The following CCDC191 variants were observed in gnomAD, a reference collection of about 807,000 sequenced individuals.
CCDC191 encodes coiled-coil domain containing 191.
In CCDC191, 99 loss-of-function variants were observed where a neutral mutation model predicts 114.0. That is an observed-to-expected ratio of 0.87 (90% CI 0.74 to 1.03). The LOEUF (loss-of-function observed/expected upper bound fraction) is 1.03. Among genes scored for constraint, CCDC191 ranks in the 50% least tolerant of loss-of-function variants. The pLI, the probability that CCDC191 is intolerant of heterozygous loss-of-function variation, is 0.00. For missense variants in CCDC191, 973 were observed against 1,087.0 expected, an observed-to-expected ratio of 0.90 and a Z score of 1.47; for synonymous variants, 351 against 376.0, an observed-to-expected ratio of 0.93 and a Z score of 0.77.
intron 15 of CCDC191, 190 bp downstream of exon 15, chr3:113,978,668 G>C: frequency 1.5e-6 from 1 of 658,544 alleles, no homozygotes; most frequent in Non-Finnish European, 2.5e-6. Flanking sequence ...ACAAACACAG[G>C]CTTAGGATTT....
chr3:114,018,919 A>G, intron 7 of CCDC191, 51 bp from the exon 8 acceptor site: 1 of 1,508,970 alleles, frequency 6.6e-7, no homozygotes, highest in Non-Finnish European at 9.1e-7. Context: ...TAGTGTTTCT[A>G]ATATCTAACA....
intron 13 of CCDC191, among the ~76,000 whole-genome samples, chr3:113,982,638 TA>T (rs76993362): frequency 0.04 from 5,860 of 147,214 alleles, 142 homozygotes; most frequent in Middle Eastern, 0.11. Context: ...ACAGCTATGT[TA>T]AAAAAAAAAG....
intron 7 of CCDC191, among the ~76,000 whole-genome samples, chr3:114,025,420 C>T (rs1212699362): frequency 6.6e-6 from 1 of 152,102 alleles, no homozygotes; most frequent in Non-Finnish European, 1.5e-5. Flanking sequence ...TCACAGATAC[C>T]GCATATTGTA....
In CCDC191 at chr3:114,056,453, G is replaced by A. The variant is rs1176641773; in HGVS notation, c.14C>T (p.Pro5Leu). The change falls in exon 1 of 17, where the codon CCT becomes CTT. Residue 5 changes from proline to leucine, a missense_variant. Pro to Leu is a moderately conservative substitution (Grantham distance 98). Transcript: ENST00000295878. MLLA[P>L]QGRSFSKKRM... ...TTTCTTTGAGAAGGACCTTCCCTGA[G>A]GCGCCAGGAGCATTTTCCAAGTTCG... is the stretch of plus-strand genomic sequence containing the variant. 2.5e-6 allele frequency: 4 copies of A among 1,614,136 alleles called. No homozygotes were observed. The highest frequency in any genetic ancestry group is 2.5e-6 in the Non-Finnish European group (3 of 1,180,034).
At chr3:114,039,613 C>T (rs1344646850) in intron 4 of CCDC191, 1 of 151,938 alleles carries the variant, frequency 6.6e-6, no homozygotes, top group Non-Finnish European at 1.5e-5. Flanking sequence ...TGTTATTGCC[C>T]CTGAAGACCT....
At chr3:113,982,967 G>A (rs1211611506) in intron 13 of CCDC191, among the ~76,000 whole-genome samples, 1 of 151,988 alleles carries the variant, frequency 6.6e-6, no homozygotes, top group Non-Finnish European at 1.5e-5. Context: ...CTGATCTCAG[G>A]AGATCCGCAT....
chr3:114,004,711 C>G lies in CCDC191; in HGVS notation c.1904G>C (p.Ser635Thr), dbSNP rs2075918221. 2 of 1,612,254 alleles carry G rather than the reference C, an allele frequency of 1.2e-6. No homozygotes were observed. The highest frequency in any genetic ancestry group is 1.3e-5 in the African/African-American group (1 of 74,702). Reference protein sequence around the residue: ...PVASPGTEGRSDSRNSLSGLR... With the variant: ...PVASPGTEGRTDSRNSLSGLR... The stretch of plus-strand genomic sequence containing the variant: ...TCCAGAAAGAGAATTTCGGGAGTCA[C>G]TTCTGCCTTCAGTCCCAGGGGAAGC... The change falls in exon 11 of 17, where the codon AGT becomes ACT. Residue 635 changes from serine to threonine, a missense_variant. Transcript: ENST00000295878.
rs563503788 is a variant in CCDC191 at position 114,018,767 on chromosome 3, C to A, written c.1074G>T (p.Lys358Asn). Residue 358 changes from lysine to asparagine, a missense_variant, in exon 8 of 17, where the codon AAG becomes AAT. Coordinates refer to ENST00000295878, the MANE Select transcript of CCDC191 (RefSeq NM_020817.2). Reference sequence around the variant, plus strand: ...TGTAGTCTCTCCAGGCCCGCAGGACCTTCAGCTGAATCTTCCAGTCAGACA... The same window carrying A: ...TGTAGTCTCTCCAGGCCCGCAGGACATTCAGCTGAATCTTCCAGTCAGACA... ...GTLSDWKIQLKVLRAWRDYTR... is the reference protein window; with the variant it reads ...GTLSDWKIQLNVLRAWRDYTR... 1.9e-6 allele frequency: 3 copies of A among 1,613,550 alleles called. No individual in the cohort carries two copies. Among genetic ancestry groups the A allele is most frequent in the Non-Finnish European group, 2.5e-6 (3 of 1,179,818 alleles).
chr3:113,996,265 C>A (rs2075719290), intron 13 of CCDC191, among the ~76,000 whole-genome samples: 1 of 152,086 alleles, frequency 6.6e-6, no homozygotes, highest in South Asian at 2.1e-4. Flanking sequence ...AATCTTTAAT[C>A]CATCTTGAGT....
intron 16 of CCDC191, among the ~76,000 whole-genome samples, chr3:113,974,641 A>G (rs187329508): frequency 3.0e-4 from 46 of 152,010 alleles, no homozygotes; most frequent in Non-Finnish European, 2.9e-5. Context: ...TTTCTTGTGG[A>G]TATATGTCTA....
intron 7 of CCDC191, among the ~76,000 whole-genome samples, chr3:114,020,060 T>G (rs2076221585): frequency 6.6e-6 from 1 of 152,188 alleles, no homozygotes. Context: ...TCATAGAAAG[T>G]GACTTTGTGG....
intron 14 of CCDC191, among the ~76,000 whole-genome samples, chr3:113,980,119 G>A (rs963690321): frequency 4.6e-5 from 7 of 152,264 alleles, no homozygotes; most frequent in African/African-American, 7.2e-5. Flanking sequence ...TACAAGCAAC[G>A]GGTTTACATA....
chr3:113,970,665 C>G (rs1019378582), intron 16 of CCDC191, among the ~76,000 whole-genome samples: 1 of 151,946 alleles, frequency 6.6e-6, no homozygotes, highest in African/African-American at 2.4e-5. Flanking sequence ...TGTGCTGCAC[C>G]CATTAACTCA....
chr3:113,998,093 T>C (rs2075769611), intron 13 of CCDC191, among the ~76,000 whole-genome samples: 1 of 151,120 alleles, frequency 6.6e-6, no homozygotes, highest in Non-Finnish European at 1.5e-5. Flanking sequence ...ATCACCTGAG[T>C]TCAGGAGTTC....
intron 13 of CCDC191, among the ~76,000 whole-genome samples, chr3:113,985,384 A>G (rs1310352122): frequency 1.3e-5 from 2 of 152,168 alleles, no homozygotes; most frequent in Admixed American, 6.5e-5. Flanking sequence ...AGTCCTCCCT[A>G]TCTCACTTAG....
chr3:114,056,028 AG>A (rs1432911917), intron 1 of CCDC191, among the ~76,000 whole-genome samples: 30 of 149,834 alleles, frequency 2.0e-4, no homozygotes, highest in Admixed American at 1.9e-3. Flanking sequence ...AAAAAAAAAA[AG>A]AGAGAGAAAA....
chr3:114,023,448 T>G (rs1228550587), intron 7 of CCDC191, among the ~76,000 whole-genome samples: 1 of 152,182 alleles, frequency 6.6e-6, no homozygotes, highest in Non-Finnish European at 1.5e-5. Flanking sequence ...CTACCTGACT[T>G]CAAGCTATAC....
chr3:113,978,122 C>A lies in CCDC191; in HGVS notation c.2606+64G>T. 17 of 1,568,868 alleles carry A rather than the reference C, an allele frequency of 1.1e-5. No homozygotes were observed. The South Asian group carries it at 1.8e-4, about 16-fold the overall frequency. On this transcript the variant is annotated intron_variant, in intron 16 of 16. Transcript: ENST00000295878. The stretch of plus-strand genomic sequence containing the variant: ...CATCTCTGCAGACACATTGTAGGAG[C>A]AGAATATATTGCTGAGCAATTGTGA...
chr3:114,003,083 CA>C, intron 11 of CCDC191: 1 of 985,302 alleles, frequency 1.0e-6, no homozygotes, highest in Non-Finnish European at 1.2e-6. Context: ...TACAGATGGG[CA>C]GGAAATGGAA....
Sources: gnomAD v4.1 joint callset for allele counts (sites outside exome capture counted in the v4.1 genomes callset) on GRCh38, gnomAD v4.1.1 for gene constraint, MANE v1.5 for transcripts, NCBI Gene and HGNC (gene_info 2026-07-23, HGNC 2026-07-21) for gene names.